NCOA2: variants seen among roughly 807,000 people sequenced by gnomAD.
NCOA2 encodes the protein nuclear receptor coactivator 2.
In NCOA2, 21 loss-of-function variants were observed where a neutral mutation model predicts 145.1. The ratio of observed to expected loss-of-function variants is 0.14; its 90% CI spans 0.10 to 0.21. NCOA2 has a LOEUF of 0.21. NCOA2 is among the 10% of genes least tolerant of loss of function. NCOA2 has a pLI of 1.00. For missense variants in NCOA2, 1,472 were observed against 1,837.6 expected (o/e 0.80, Z 3.64); for synonymous variants, 619 against 637.5 (o/e 0.97, Z 0.44).
In NCOA2 at chr8:70,113,306, T is replaced by C. The variant is rs1806708479; in HGVS notation, c.*326A>G. On this transcript the variant is annotated 3_prime_UTR_variant, in exon 23 of 23. Coordinates refer to ENST00000452400, the MANE Select transcript of NCOA2 (RefSeq NM_006540.4). ...GCATGGTTCTCCTTAAATACATACA[T>C]TTAAATACATTCAATCTGACATGGG... The C allele has an allele frequency of 6.8e-6, 3 of 438,308 alleles. No individual in the cohort carries two copies. In the South Asian group the frequency reaches 1.3e-4, roughly 20 times the overall value. 27.2% of individuals were successfully genotyped at this position (438,308 alleles called of 1,614,324 possible).
At chr8:70,342,470 C>T (rs565522757) in intron 1 of NCOA2, among the ~76,000 whole-genome samples, 27 of 151,916 alleles carry the variant, frequency 1.8e-4, no homozygotes, top group Non-Finnish European at 3.5e-4. Flanking sequence ...ATGTTTATAC[C>T]AATGCAAATT....
intron 1 of NCOA2, among the ~76,000 whole-genome samples, chr8:70,351,773 T>TA (rs1554633142): frequency 2.4e-4 from 35 of 147,732 alleles, no homozygotes; most frequent in Middle Eastern, 3.6e-3. Context: ...TTTTTTTTTT[T>TA]AAGTAGAGAT....
chr8:70,134,055 GCCCCTTTCTT>G (rs1219269623), intron 15 of NCOA2, among the ~76,000 whole-genome samples: 2 of 151,998 alleles, frequency 1.3e-5, no homozygotes, highest in African/African-American at 4.8e-5. Context: ...GCCCCTTTCT[GCCCCTTTCTT>G]GTCACTACTG....
rs559311064 is a variant in NCOA2, at chr8:70,267,228, T to C, written c.-20+29516A>G. The stretch of plus-strand genomic sequence containing the variant: ...TTACACCTACCTGTGAAGATGTTCA[T>C]GACTATGAGGCATAAGTAAATTAGA... On this transcript the variant is annotated intron_variant, in intron 2 of 22. Coordinates refer to ENST00000452400, the MANE Select transcript of NCOA2 (RefSeq NM_006540.4). Among the ~76,000 whole-genome samples the C allele has an allele frequency of 5.9e-5, 9 of 152,326 alleles. No individual in the cohort carries two copies. In the South Asian group the frequency reaches 1.9e-3, roughly 32 times the overall value.
intron 1 of NCOA2, among the ~76,000 whole-genome samples, chr8:70,356,265 T>C (rs1471727064): frequency 6.6e-6 from 1 of 152,076 alleles, no homozygotes; most frequent in African/African-American, 2.4e-5. Flanking sequence ...AAGACCAGCC[T>C]GGGCAACATA....
At chr8:70,367,996 C>G (rs911170924) in intron 1 of NCOA2, among the ~76,000 whole-genome samples, 2 of 152,138 alleles carry the variant, frequency 1.3e-5, no homozygotes, top group Non-Finnish European at 2.9e-5. Flanking sequence ...AACATAGACT[C>G]AGAAGTATAA....
At chr8:70,417,919 A>C in the NCOA2 span, among the ~76,000 whole-genome samples, 1 of 149,786 alleles carries the variant, frequency 6.7e-6, no homozygotes, top group Non-Finnish European at 1.5e-5. Context: ...ATTCAGAGGC[A>C]CGAGAGAGCC....
intron 11 of NCOA2, among the ~76,000 whole-genome samples, chr8:70,149,152 AGGTAG>A (rs1811458663): frequency 6.6e-6 from 1 of 151,998 alleles, no homozygotes; most frequent in African/African-American, 2.4e-5. Context: ...TAGGTAACAA[AGGTAG>A]GGAAGCAGGA....
intron 2 of NCOA2, among the ~76,000 whole-genome samples, chr8:70,238,802 T>C (rs1205676401): frequency 1.3e-5 from 2 of 152,122 alleles, no homozygotes; most frequent in East Asian, 1.9e-4. Flanking sequence ...GTGCTGACCA[T>C]AACCAACAGC....
intron 14 of NCOA2, among the ~76,000 whole-genome samples, chr8:70,138,716 A>G (rs1810031258): frequency 6.6e-6 from 1 of 152,268 alleles, no homozygotes; most frequent in Admixed American, 6.5e-5. Context: ...TTTTTTCTAG[A>G]TCCAAGTAAG....
the NCOA2 span, chr8:70,424,540 A>C: frequency 1.9e-6 from 1 of 529,850 alleles, no homozygotes. Context: ...AGTACTCGCA[A>C]AATATGCTGG....
intron 1 of NCOA2, among the ~76,000 whole-genome samples, chr8:70,314,699 ATTGT>A (rs1397213598): frequency 6.6e-5 from 10 of 152,344 alleles, no homozygotes; most frequent in Admixed American, 2.0e-4. Flanking sequence ...GCATTCCAAA[ATTGT>A]TTTTCAGCAA....
chr8:70,133,283 T>G (rs1809372387), intron 15 of NCOA2, among the ~76,000 whole-genome samples: 1 of 146,522 alleles, frequency 6.8e-6, no homozygotes, highest in African/African-American at 2.5e-5. Flanking sequence ...ACAGGCACAA[T>G]CATTGCACAC....
chr8:70,162,868 GC>G lies in NCOA2; in HGVS notation c.833-15del. The G allele has an allele frequency of 6.2e-7, 1 of 1,603,788 alleles. No individual in the cohort carries two copies. ...ACGTGATCTTGCCTATTAAGTAACA[GC>G]AGGCATTATACCTACATGTTGATCT... On this transcript the variant is annotated splice_polypyrimidine_tract_variant and intron_variant, in intron 8 of 22. Coordinates refer to ENST00000452400, the MANE Select transcript of NCOA2 (RefSeq NM_006540.4).
intron 8 of NCOA2, 37 bp from the exon 9 acceptor site, chr8:70,162,891 ATC>A: frequency 7.5e-7 from 1 of 1,337,014 alleles, no homozygotes; most frequent in African/African-American, 1.5e-5. Flanking sequence ...CTACATGTTG[ATC>A]TATTCTTTAT....
rs758288092 is a variant in NCOA2 at position 70,170,382 on chromosome 8, AG to A, written c.364-4del. 2 of 1,572,648 alleles carry A rather than the reference AG, an allele frequency of 1.3e-6. No homozygotes were observed. The highest frequency in any genetic ancestry group is 2.3e-5 in the East Asian group (1 of 43,510). On this transcript the variant is annotated splice_polypyrimidine_tract_variant and splice_region_variant and intron_variant, in intron 5 of 22. Transcript: ENST00000452400. ...ACAAAGAAGAACCCATCAAGGGCCT[AG>A]GGAACAAAGTACAAATTGTGTTAGA...
intron 2 of NCOA2, among the ~76,000 whole-genome samples, chr8:70,227,181 G>A (rs552548296): frequency 6.6e-6 from 1 of 152,294 alleles, no homozygotes; most frequent in East Asian, 1.9e-4. Context: ...CTCTGTCAGG[G>A]ATGGGCCTTA....
intron 4 of NCOA2, among the ~76,000 whole-genome samples, chr8:70,206,877 T>C (rs1373437737): frequency 6.6e-6 from 1 of 152,206 alleles, no homozygotes; most frequent in Non-Finnish European, 1.5e-5. Flanking sequence ...ATTAAAATCT[T>C]ACTTTTACAG....
At chr8:70,282,557 G>A (rs537199219) in intron 2 of NCOA2, among the ~76,000 whole-genome samples, 21 of 152,050 alleles carry the variant, frequency 1.4e-4, no homozygotes, top group Admixed American at 2.6e-4. Flanking sequence ...GCATTGTGGC[G>A]CACGCCTGTA....
Sources: gnomAD v4.1 joint callset for allele counts (sites outside exome capture counted in the v4.1 genomes callset) on GRCh38, gnomAD v4.1.1 for gene constraint, MANE v1.5 for transcripts, NCBI Gene and HGNC (gene_info 2026-07-23, HGNC 2026-07-21) for gene names.